The following PTK2 variants were observed in gnomAD, a reference collection of about 807,000 sequenced individuals.
PTK2 encodes protein tyrosine kinase 2.
A neutral mutation model predicts 150.1 loss-of-function variants in PTK2; 45 were observed. That is an observed-to-expected ratio of 0.30 (90% CI 0.24 to 0.38). The LOEUF (loss-of-function observed/expected upper bound fraction) is 0.38, where lower values mean the gene tolerates loss of function less well. PTK2 is among the 10% of genes least tolerant of loss of function. The pLI, the probability that PTK2 is intolerant of heterozygous loss-of-function variation, is 1.00. For synonymous variants in PTK2, 432 were observed against 449.2 expected, an observed-to-expected ratio of 0.96 and a Z score of 0.48; for missense variants, 919 against 1,307.3, an observed-to-expected ratio of 0.70 and a Z score of 4.58.
chr8:140,794,121 T>C (rs1020750171), intron 12 of PTK2, among the ~76,000 whole-genome samples: 34 of 152,212 alleles, frequency 2.2e-4, no homozygotes, highest in African/African-American at 8.2e-4. Context: ...AGCCCCCTAA[T>C]TGGTCCTGTC....
intron 1 of PTK2, among the ~76,000 whole-genome samples, chr8:140,963,348 A>T (rs1325186437): frequency 6.6e-6 from 1 of 152,180 alleles, no homozygotes; most frequent in Non-Finnish European, 1.5e-5. Context: ...TTCCAAAGTC[A>T]CATAATAATA....
intron 2 of PTK2, among the ~76,000 whole-genome samples, chr8:140,916,078 G>A (rs2100165163): frequency 6.6e-6 from 1 of 152,190 alleles, no homozygotes; most frequent in Non-Finnish European, 1.5e-5. Context: ...TTATGTTTGT[G>A]GATGAGTTGA....
chr8:140,867,181 A>C (rs2100139836), intron 4 of PTK2, among the ~76,000 whole-genome samples: 2 of 152,124 alleles, frequency 1.3e-5, no homozygotes, highest in Non-Finnish European at 2.9e-5. Context: ...TGCACAGAGA[A>C]ATGACATCAC....
Position 140,665,006 on chromosome 8 carries a change from C to G in PTK2, c.2866-9G>C. On this transcript the variant is annotated splice_polypyrimidine_tract_variant and intron_variant, in intron 30 of 31. Coordinates refer to ENST00000522684, the Ensembl canonical transcript of PTK2. ...AGGGCCAAGCCGACTTCCTAACAGA[C>G]AAGAATCACAACCAATATTAGAACA... 6.2e-7 allele frequency: 1 copy of G among 1,610,948 alleles called. No individual in the cohort carries two copies. Among genetic ancestry groups the G allele is most frequent in the South Asian group, 1.1e-5 (1 of 90,862 alleles).
chr8:140,816,486 C>A (rs1470344724), intron 10 of PTK2, among the ~76,000 whole-genome samples: 1 of 152,048 alleles, frequency 6.6e-6, no homozygotes, highest in Non-Finnish European at 1.5e-5. Flanking sequence ...GGATGTGGGA[C>A]AAGGGAGGCC....
chr8:140,819,064 GAGTA>G, intron 8 of PTK2, 44 bp from the exon 9 acceptor site: 1 of 1,597,248 alleles, frequency 6.3e-7, no homozygotes, highest in Non-Finnish European at 8.5e-7. Flanking sequence ...AATCAGCAAT[GAGTA>G]AAGACCACAA....
At chr8:140,718,085 G>A (rs2100040779) in intron 22 of PTK2, 1 of 208,134 alleles carries the variant, frequency 4.8e-6, no homozygotes, top group Admixed American at 5.1e-5. Flanking sequence ...ACATGTCTGA[G>A]GACAGATTCT....
intron 29 of PTK2, 139 bp from the exon 33 acceptor site, chr8:140,669,874 G>T: frequency 2.1e-6 from 2 of 973,176 alleles, no homozygotes; most frequent in Non-Finnish European, 3.1e-6. Flanking sequence ...TAGTTTCCAA[G>T]CCTGCCCACC....
At chr8:140,937,836 C>T (rs1303988751) in intron 1 of PTK2, among the ~76,000 whole-genome samples, 3 of 152,080 alleles carry the variant, frequency 2.0e-5, no homozygotes, top group Non-Finnish European at 4.4e-5. Context: ...GTCTGTAGTC[C>T]CAGCTACTTG....
chr8:140,983,380 C>CAAAAAAAAA (rs34040387), intron 1 of PTK2, among the ~76,000 whole-genome samples: 2 of 78,536 alleles, frequency 2.5e-5, no homozygotes, highest in African/African-American at 4.9e-5. Context: ...GACTCCATCT[C>CAAAAAAAAA]AAAAAAAAAA....
chr8:140,806,452 T>C (rs913659844), intron 10 of PTK2, among the ~76,000 whole-genome samples: 35 of 152,200 alleles, frequency 2.3e-4, no homozygotes, highest in African/African-American at 8.4e-4. Flanking sequence ...AACATCATTA[T>C]GTTGGTGGTG....
At chr8:140,707,885 C>T (rs1045129002) in intron 23 of PTK2, among the ~76,000 whole-genome samples, 1 of 152,216 alleles carries the variant, frequency 6.6e-6, no homozygotes, top group Non-Finnish European at 1.5e-5. Flanking sequence ...TGTTTGACTA[C>T]TTCCCGGTTG....
At chr8:140,665,036 CA>C in intron 30 of PTK2, 39 bp from the exon 35 acceptor site, 1 of 1,547,912 alleles carries the variant, frequency 6.5e-7, no homozygotes, top group Non-Finnish European at 8.8e-7. Flanking sequence ...AGAACACACA[CA>C]AAGGATTTTT....
At chr8:140,793,423 C>A (rs372167350) in intron 12 of PTK2, 39 bp from the exon 13 acceptor site, 3 of 1,599,674 alleles carry the variant, frequency 1.9e-6, no homozygotes, top group Admixed American at 1.8e-5. Flanking sequence ...AGGCTCTTTT[C>A]ACTCCTTTTG....
chr8:140,956,274 G>C (rs1205643552), intron 1 of PTK2, among the ~76,000 whole-genome samples: 2 of 152,102 alleles, frequency 1.3e-5, no homozygotes, highest in Non-Finnish European at 2.9e-5. Context: ...ATTAATACCA[G>C]ACATGTGAGA....
rs1056156973 is a variant in PTK2 at position 140,795,522 on chromosome 8, C to G, written c.1094-2138G>C. On this transcript the variant is annotated intron_variant, in intron 12 of 31. Coordinates refer to ENST00000522684, the Ensembl canonical transcript of PTK2. ...TGACAACCTTACTTAAAATTGTATC[C>G]CTTACTTTCTTCCCTGTCTTATTTT... Among the ~76,000 whole-genome samples the G allele has an allele frequency of 4.6e-5, 7 of 152,164 alleles. No homozygotes were observed. The East Asian group carries it at 1.3e-3, about 29-fold the overall frequency.
intron 1 of PTK2, among the ~76,000 whole-genome samples, chr8:140,946,050 T>C (rs1192158311): frequency 6.6e-6 from 1 of 152,036 alleles, no homozygotes; most frequent in South Asian, 2.1e-4. Flanking sequence ...GAGAGCAACC[T>C]CTCTAGACTG....
chr8:140,664,100 C>T (rs368560959), intron 31 of PTK2, among the ~76,000 whole-genome samples: 34 of 152,236 alleles, frequency 2.2e-4, no homozygotes, highest in African/African-American at 7.5e-4. Context: ...TCTCCTGTCT[C>T]AGCCTCCCAA....
chr8:140,788,801 A>C (rs2100086515), intron 14 of PTK2, among the ~76,000 whole-genome samples: 1 of 152,234 alleles, frequency 6.6e-6, no homozygotes, highest in South Asian at 2.1e-4. Context: ...TATAAGAACA[A>C]ATTACATATG....
Sources: gnomAD v4.1 joint callset for allele counts (sites outside exome capture counted in the v4.1 genomes callset) on GRCh38, gnomAD v4.1.1 for gene constraint, MANE v1.5 for transcripts, NCBI Gene and HGNC (gene_info 2026-07-23, HGNC 2026-07-21) for gene names.